The following NCALD variants were observed in gnomAD, a reference collection of about 807,000 sequenced individuals.
The protein encoded by NCALD is neurocalcin delta, also known as neurocalcin-delta.
NCALD carries 10 observed loss-of-function variants against 18.6 expected under a neutral mutation model. That is an observed-to-expected ratio of 0.54 (90% confidence interval 0.33 to 0.91). The LOEUF is 0.91. Among genes scored for constraint, NCALD ranks in the 40% least tolerant of loss-of-function variants. The pLI is 0.03. For missense variants in NCALD, 184 were observed against 247.6 expected, an observed-to-expected ratio of 0.74 and a Z score of 1.72; for synonymous variants, 88 against 87.4, an observed-to-expected ratio of 1.01 and a Z score of -0.04.
chr8:101,929,337 A>G (rs1236392583), intron 2 of NCALD, among the ~76,000 whole-genome samples: 2 of 51,684 alleles, frequency 3.9e-5, no homozygotes, highest in Non-Finnish European at 3.7e-5. Flanking sequence ...GCAAGGAAGG[A>G]AGGGAGGGAG....
At chr8:101,711,784 C>T (rs951218896) in intron 2 of NCALD, among the ~76,000 whole-genome samples, 17 of 151,998 alleles carry the variant, frequency 1.1e-4, no homozygotes, top group African/African-American at 3.9e-4. Flanking sequence ...AAAGACCAAA[C>T]TTAACGTTTG....
chr8:101,868,249 C>T (rs1473666156), intron 4 of NCALD, among the ~76,000 whole-genome samples: 1 of 152,070 alleles, frequency 6.6e-6, no homozygotes, highest in Non-Finnish European at 1.5e-5. Context: ...GTGTGCTCCT[C>T]CTCATGCATC....
At chr8:101,691,794 C>T (rs1414216619) in intron 3 of NCALD, 3 of 985,268 alleles carry the variant, frequency 3.0e-6, no homozygotes, top group Non-Finnish European at 3.6e-6. Flanking sequence ...GCTCTCTGTA[C>T]TGCGAAGCCG....
intron 1 of NCALD, among the ~76,000 whole-genome samples, chr8:101,763,966 CCACACACACACA>C (rs754411989): frequency 5.9e-5 from 5 of 85,170 alleles, no homozygotes; most frequent in African/African-American, 2.0e-4. Context: ...CTCTCTCTCT[CCACACACACACA>C]CACACACACA....
intron 2 of NCALD, among the ~76,000 whole-genome samples, chr8:101,944,301 T>C (rs970939077): frequency 4.6e-5 from 7 of 152,180 alleles, no homozygotes; most frequent in African/African-American, 1.7e-4. Context: ...GCTGCTTATG[T>C]GTACCCTGTC....
intron 3 of NCALD, among the ~76,000 whole-genome samples, chr8:101,890,518 G>A (rs554632539): frequency 1.3e-5 from 2 of 152,280 alleles, no homozygotes; most frequent in African/African-American, 4.8e-5. Context: ...TGGTGATTAA[G>A]TCATGAGGGC....
At chr8:101,769,335 TATA>T (rs780148143) in intron 1 of NCALD, among the ~76,000 whole-genome samples, 9 of 152,226 alleles carry the variant, frequency 5.9e-5, no homozygotes, top group African/African-American at 1.9e-4. Context: ...TTTATATCCA[TATA>T]ATGTCTCCTA....
chr8:101,863,664 C>T lies in NCALD; in HGVS notation c.-20+23477G>A, dbSNP rs536641318. Among the ~76,000 whole-genome samples the T allele has an allele frequency of 7.9e-5, 12 of 152,266 alleles. No individual in the cohort carries two copies. The South Asian group carries it at 1.9e-3, about 24-fold the overall frequency. ...TCCTTATTATTCCACATATTAATAT[C>T]ATATCAGGTAACCATTAAATGCTTT... On this transcript the variant is annotated intron_variant, in intron 4 of 6. Coordinates refer to the NCALD transcript ENST00000311028.
chr8:102,099,824 A>C (rs1825217010), intron 1 of NCALD, among the ~76,000 whole-genome samples: 1 of 151,812 alleles, frequency 6.6e-6, no homozygotes, highest in East Asian at 1.9e-4. Context: ...AATTACCAAA[A>C]AAATTACCAA....
intron 1 of NCALD, among the ~76,000 whole-genome samples, chr8:102,071,878 T>C (rs1824188720): frequency 6.6e-6 from 1 of 152,196 alleles, no homozygotes; most frequent in African/African-American, 2.4e-5. Context: ...TGAACATGGA[T>C]GAAGATAGCA....
intron 3 of NCALD, among the ~76,000 whole-genome samples, chr8:101,897,234 G>A (rs937207881): frequency 6.8e-6 from 1 of 147,230 alleles, no homozygotes; most frequent in Non-Finnish European, 1.5e-5. Context: ...GATGAAATTG[G>A]AAATCATCAT....
intron 1 of NCALD, chr8:101,779,966 G>T (rs551234918): frequency 6.6e-6 from 1 of 152,114 alleles, no homozygotes; most frequent in South Asian, 2.1e-4. Flanking sequence ...TTTCATTTCA[G>T]AGTTCTTTTT....
chr8:101,755,192 A>G (rs907451349), intron 1 of NCALD, among the ~76,000 whole-genome samples: 3 of 152,220 alleles, frequency 2.0e-5, no homozygotes, highest in African/African-American at 7.2e-5. Context: ...GTTCACAGTT[A>G]AAGTCTTGAT....
At chr8:101,996,598 G>T (rs1438459261) in intron 2 of NCALD, among the ~76,000 whole-genome samples, 1 of 152,236 alleles carries the variant, frequency 6.6e-6, no homozygotes, top group East Asian at 1.9e-4. Context: ...GGTCTAGGAA[G>T]CCTACTGTGG....
chr8:101,715,065 G>T (rs1248219149), intron 2 of NCALD, among the ~76,000 whole-genome samples: 1 of 150,932 alleles, frequency 6.6e-6, no homozygotes, highest in Admixed American at 6.6e-5. Flanking sequence ...TATACTACAA[G>T]GCTACAGTAA....
At chr8:102,109,400 T>TC (rs2132445171) in intron 1 of NCALD, among the ~76,000 whole-genome samples, 1 of 152,212 alleles carries the variant, frequency 6.6e-6, no homozygotes, top group Non-Finnish European at 1.5e-5. Context: ...TTCCTCCTCA[T>TC]CCTACACAAA....
intron 1 of NCALD, among the ~76,000 whole-genome samples, chr8:101,728,531 T>C (rs1258004121): frequency 1.3e-5 from 2 of 152,166 alleles, no homozygotes; most frequent in African/African-American, 4.8e-5. Context: ...TTCATTAAAA[T>C]GTTTGCCTAG....
At chr8:101,860,741 G>C (rs764303146) in intron 4 of NCALD, among the ~76,000 whole-genome samples, 2 of 152,090 alleles carry the variant, frequency 1.3e-5, no homozygotes, top group Non-Finnish European at 2.9e-5. Flanking sequence ...AGAATTGAGG[G>C]AGAGCTGCGG....
At position 101,928,106 on chromosome 8, in the gene NCALD, C is replaced by T. The variant is rs541375025; in HGVS notation, c.-156-12248G>A. ...GATCCTGCAAAAAAGCCTCACACAGCAACTGTATTATAAATCCTTAACAGA... is the reference window on the plus strand; with the variant it reads ...GATCCTGCAAAAAAGCCTCACACAGTAACTGTATTATAAATCCTTAACAGA... On this transcript the variant is annotated intron_variant, in intron 2 of 6. Coordinates refer to the NCALD transcript ENST00000311028. Among the ~76,000 whole-genome samples, 4 of 152,230 alleles carry T rather than the reference C, an allele frequency of 2.6e-5. No homozygotes were observed. In the East Asian group the frequency reaches 7.7e-4, roughly 29 times the overall value.
Sources: gnomAD v4.1 joint callset for allele counts (sites outside exome capture counted in the v4.1 genomes callset) on GRCh38, gnomAD v4.1.1 for gene constraint, MANE v1.5 for transcripts, NCBI Gene and HGNC (gene_info 2026-07-23, HGNC 2026-07-21) for gene names.